EBF3: variants seen among roughly 807,000 people sequenced by gnomAD.
EBF3 encodes EBF transcription factor 3.
In EBF3, 18 loss-of-function variants were observed where a neutral mutation model predicts 77.1. The ratio of observed to expected loss-of-function variants is 0.23; its 90% CI spans 0.16 to 0.35. The LOEUF (loss-of-function observed/expected upper bound fraction) is 0.35, where lower values mean the gene tolerates loss of function less well. Among genes scored for constraint, EBF3 ranks in the 10% least tolerant of loss-of-function variants. The probability of loss-of-function intolerance (pLI) is 1.00; values close to 1 mark genes in which losing one functional copy is unlikely to be tolerated. For missense variants in EBF3, 558 were observed against 860.0 expected, an observed-to-expected ratio of 0.65 and a Z score of 4.39; for synonymous variants, 350 against 343.5, an observed-to-expected ratio of 1.02 and a Z score of -0.21.
intron 6 of EBF3, among the ~76,000 whole-genome samples, chr10:129,930,428 C>T (rs1228926679): frequency 6.7e-6 from 1 of 150,368 alleles, no homozygotes; most frequent in African/African-American, 2.5e-5. Context: ...TAACAAATCC[C>T]CCTCTCATAT....
Position 129,899,130 on chromosome 10 carries a change from C to T in EBF3, c.555-21281G>A, listed in dbSNP as rs185423045. The stretch of plus-strand genomic sequence containing the variant: ...TTATCAGCAGAGTGTCAGAAATCCG[C>T]GCTGCCTTCTCTTCCTCGTTTAATC... On this transcript the variant is annotated intron_variant, in intron 6 of 16. Transcript: ENST00000440978. Among the ~76,000 whole-genome samples, 271 of 152,358 alleles carry T rather than the reference C, an allele frequency of 1.8e-3. 1 individual carries two copies. Among genetic ancestry groups the T allele is most frequent in the African/African-American group, 6.3e-3 (260 of 41,584 alleles).
At chr10:129,946,773 C>A (rs1858258822) in intron 6 of EBF3, among the ~76,000 whole-genome samples, 1 of 152,188 alleles carries the variant, frequency 6.6e-6, no homozygotes, top group Non-Finnish European at 1.5e-5. Flanking sequence ...CAAAGGTGCA[C>A]CTCTGGATGG....
At chr10:129,949,297 C>T (rs938168654) in intron 6 of EBF3, among the ~76,000 whole-genome samples, 2 of 152,120 alleles carry the variant, frequency 1.3e-5, no homozygotes, top group Admixed American at 6.5e-5. Flanking sequence ...AGCAAAACTC[C>T]GTCTCAAAAA....
chr10:129,846,108 T>TTGTGTGTGTGTGTGTGTGTGTG (rs10530522), intron 11 of EBF3, among the ~76,000 whole-genome samples: 3 of 139,608 alleles, frequency 2.1e-5, no homozygotes, highest in African/African-American at 7.9e-5. Flanking sequence ...ATTCTGGGCT[T>TTGTGTGTGTGTGTGTGTGTGTG]TGTGTGTGTG....
chr10:129,887,100 C>G (rs111391348), intron 6 of EBF3, among the ~76,000 whole-genome samples: 1,631 of 118,892 alleles, frequency 0.014, 58 homozygotes, highest in African/African-American at 0.05. Context: ...TGCTGAGAGT[C>G]GGGGGCACTG....
intron 10 of EBF3, among the ~76,000 whole-genome samples, chr10:129,858,142 T>C (rs537880853): frequency 3.9e-5 from 6 of 152,304 alleles, no homozygotes; most frequent in African/African-American, 1.4e-4. Flanking sequence ...AACCCAGTCC[T>C]TGGGGTTGTA....
At chr10:129,927,713 T>C (rs1281261271) in intron 6 of EBF3, among the ~76,000 whole-genome samples, 2 of 152,224 alleles carry the variant, frequency 1.3e-5, no homozygotes, top group African/African-American at 4.8e-5. Flanking sequence ...TGAGTCTACC[T>C]GCCCTGAGAT....
rs1208606455 is a variant in EBF3, at chr10:129,938,266, G to A, written c.554+18992C>T. Among the ~76,000 whole-genome samples, 1 of 151,870 alleles carries A rather than the reference G, an allele frequency of 6.6e-6. No homozygotes were observed. The highest frequency in any genetic ancestry group is 1.5e-5 in the Non-Finnish European group (1 of 67,990). On this transcript the variant is annotated intron_variant, in intron 6 of 16. Transcript: ENST00000440978. This position sits in a 1 kb window ranked among gnomAD's most constrained non-coding sequence, Gnocchi z 5.1. The stretch of plus-strand genomic sequence containing the variant: ...TTTAAAGTTCATGGCGGGGCCGGGT[G>A]CAATGGCTCTCATCTATAGTCCCAG...
rs1202038244 is a variant in EBF3 at position 129,836,903 on chromosome 10, A to G, written c.*1040T>C. On this transcript the variant is annotated 3_prime_UTR_variant, in exon 17 of 17. Transcript: ENST00000440978. ...TCATGGGAAAGTAAGTGTCAAATGAAGACCATTTTATTCCTTATAAGACAC... is the reference window on the plus strand; with the variant it reads ...TCATGGGAAAGTAAGTGTCAAATGAGGACCATTTTATTCCTTATAAGACAC... 1.3e-5 allele frequency: 2 copies of G among 152,684 alleles called. No homozygotes were observed. The highest frequency in any genetic ancestry group is 2.9e-5 in the Non-Finnish European group (2 of 68,044). 9.5% of individuals were successfully genotyped at this position (152,684 alleles called of 1,614,324 possible). A position where few individuals can be genotyped will look rare whatever the true frequency, so the allele number is the denominator to read the frequency against.
intron 4 of EBF3, among the ~76,000 whole-genome samples, chr10:129,961,642 G>T (rs533838148): frequency 4.3e-4 from 66 of 152,300 alleles, no homozygotes; most frequent in African/African-American, 1.4e-3. Flanking sequence ...CTGGGGGGCT[G>T]CGAGGTGAAG....
chr10:129,961,882 A>G (rs916752798), intron 4 of EBF3, among the ~76,000 whole-genome samples: 6 of 152,200 alleles, frequency 3.9e-5, no homozygotes, highest in African/African-American at 1.4e-4. Flanking sequence ...AAGAGGGGGG[A>G]CATCTTGAAA....
chr10:129,936,044 T>C (rs1857336531), intron 6 of EBF3, among the ~76,000 whole-genome samples: 2 of 152,268 alleles, frequency 1.3e-5, no homozygotes, highest in African/African-American at 4.8e-5. Flanking sequence ...GTGCAGATGG[T>C]TCTGGGGGAC....
intron 10 of EBF3, among the ~76,000 whole-genome samples, chr10:129,849,039 C>T (rs1193564404): frequency 6.6e-6 from 1 of 152,222 alleles, no homozygotes; most frequent in East Asian, 1.9e-4. Flanking sequence ...ATCCACCAGC[C>T]TCACGAAATT....
chr10:129,962,454 G>T (rs1273528671), intron 3 of EBF3, among the ~76,000 whole-genome samples: 1 of 151,920 alleles, frequency 6.6e-6, no homozygotes, highest in Admixed American at 6.6e-5. Context: ...ATTTCAAGGT[G>T]CAAGGAACTT....
At chr10:129,876,989 G>A (rs905679006) in intron 7 of EBF3, among the ~76,000 whole-genome samples, 12 of 141,878 alleles carry the variant, frequency 8.5e-5, no homozygotes, top group African/African-American at 2.9e-4. Context: ...AGGAACAGAT[G>A]CAACTAGCAT....
chr10:129,850,916 G>C (rs980896718), intron 10 of EBF3, among the ~76,000 whole-genome samples: 1 of 152,146 alleles, frequency 6.6e-6, no homozygotes. Flanking sequence ...AGAAAGCACC[G>C]GGGCCTCACA....
At chr10:129,913,167 G>GC (rs1263471408) in intron 6 of EBF3, among the ~76,000 whole-genome samples, 2 of 152,232 alleles carry the variant, frequency 1.3e-5, no homozygotes, top group South Asian at 2.1e-4. Flanking sequence ...GATTAGAAGG[G>GC]CCTTGTTAGG....
intron 6 of EBF3, among the ~76,000 whole-genome samples, chr10:129,925,405 C>T (rs980331337): frequency 6.6e-6 from 1 of 151,860 alleles, no homozygotes; most frequent in Admixed American, 6.6e-5. Flanking sequence ...GGCTGGCCAA[C>T]ATAGTGAGAC....
chr10:129,919,117 G>A (rs1166482819), intron 6 of EBF3, among the ~76,000 whole-genome samples: 1 of 152,218 alleles, frequency 6.6e-6, no homozygotes, highest in African/African-American at 2.4e-5. Flanking sequence ...GAGTACGCAG[G>A]TGACCAAACA....
Sources: allele counts gnomAD v4.1 joint callset (sites outside exome capture counted in the v4.1 genomes callset), GRCh38; gene constraint gnomAD v4.1.1; non-coding constraint Gnocchi (gnomAD v3.1); transcripts MANE v1.5; gene names NCBI Gene and HGNC (gene_info 2026-07-23, HGNC 2026-07-21).